CLCN2: variants seen among roughly 807,000 people sequenced by gnomAD.
The protein encoded by CLCN2 is chloride channel protein 2.
CLCN2 carries 72 observed loss-of-function variants against 108.3 expected under a neutral mutation model. The ratio of observed to expected loss-of-function variants is 0.66; its 90% CI spans 0.55 to 0.81. The LOEUF is 0.81. CLCN2 is among the 30% of genes least tolerant of loss of function. The pLI is 0.00. For synonymous variants in CLCN2, 471 were observed against 467.1 expected, an observed-to-expected ratio of 1.01 and a Z score of -0.11; for missense variants, 1,048 against 1,205.2, an observed-to-expected ratio of 0.87 and a Z score of 1.93.
In CLCN2 at chr3:184,355,777, G is replaced by T; in HGVS notation, c.1087C>A (p.Arg363Ser). The change falls in exon 11 of 24, where the codon CGC (arginine) becomes AGC (serine). Residue 363 changes from arginine (R) to serine (S), a missense_variant and splice_region_variant. Arg to Ser is a moderately radical substitution (Grantham distance 110). Transcript: ENST00000265593. This position sits in a 1 kb window ranked among gnomAD's most constrained non-coding sequence, Gnocchi z 6.3. ...GTCACCAGAGCCGGGAAGAGCAGGC[G>T]TCTAGAGTCGTAGGTTTCACATCAG... ...KTINRFLMRK[R>S]LLFPALVTLL... 6.2e-7 allele frequency: 1 copy of T among 1,614,020 alleles called. No individual in the cohort carries two copies. Among genetic ancestry groups the T allele is most frequent in the Non-Finnish European group, 8.5e-7 (1 of 1,179,928 alleles).
At position 184,359,127 on chromosome 3, in the gene CLCN2, T is replaced by C. The variant is rs1711654972; in HGVS notation, c.68A>G (p.Tyr23Cys). 6.2e-7 allele frequency: 1 copy of C among 1,613,534 alleles called. No homozygotes were observed. The highest frequency in any genetic ancestry group is 8.5e-7 in the Non-Finnish European group (1 of 1,180,048). The change falls in exon 2 of 24, where the codon TAT becomes TGT. Residue 23 changes from tyrosine (Y) to cysteine (C), a missense_variant. Tyr to Cys is a radical substitution (Grantham distance 194). Coordinates refer to ENST00000265593, the MANE Select transcript of CLCN2 (RefSeq NM_004366.6). Reference sequence around the variant, plus strand: ...CCCAAGGTCCTGAGTGTACCGGCCATACATCTGGAGCAACAGAGGGGATGG... The same window carrying C: ...CCCAAGGTCCTGAGTGTACCGGCCACACATCTGGAGCAACAGAGGGGATGG... The part of the protein sequence containing the change: ...RALQYEQTLM[Y>C]GRYTQDLGAF...
chr3:184,352,364 G>A (rs1728174339), intron 20 of CLCN2, 33 bp from the exon 21 acceptor site: 4 of 1,613,664 alleles, frequency 2.5e-6, no homozygotes, highest in Non-Finnish European at 1.7e-6. Flanking sequence ...GGCAGCTAGG[G>A]GCTCTGGAGT....
chr3:184,359,361 G>A (rs1172084860), intron 1 of CLCN2, among the ~76,000 whole-genome samples: 1 of 152,228 alleles, frequency 6.6e-6, no homozygotes, highest in Non-Finnish European at 1.5e-5. Context: ...ACAGCTCTGG[G>A]GGTGGCAGAA....
In CLCN2 at chr3:184,346,821, G is replaced by C; in HGVS notation, c.2503-21C>G. 1.2e-6 allele frequency: 2 copies of C among 1,613,904 alleles called. No homozygotes were observed. Among genetic ancestry groups the C allele is most frequent in the South Asian group, 1.1e-5 (1 of 91,088 alleles). The stretch of plus-strand genomic sequence containing the variant: ...CGGAGCTGGAAAGGTGAGAGGGACA[G>C]ATGTCTGGACCCAGATGTCAGACTC... On this transcript the variant is annotated intron_variant, in intron 23 of 23. Transcript: ENST00000265593. The surrounding 1 kb of genome is among the most constrained non-coding windows in gnomAD (Gnocchi z 6.0).
At position 184,346,376 on chromosome 3, in the gene CLCN2, G is replaced by T; in HGVS notation, c.*230C>A. On this transcript the variant is annotated 3_prime_UTR_variant, in exon 24 of 24. Transcript: ENST00000265593. This position sits in a 1 kb window ranked among gnomAD's most constrained non-coding sequence, Gnocchi z 6.0. ...GGGTCAAGTGACCCCAACCCATCCT[G>T]CCAGGGCAGGGCCTATCTTCCTGCC... is the stretch of plus-strand genomic sequence containing the variant. 1.7e-6 allele frequency: 1 copy of T among 596,476 alleles called. No homozygotes were observed. 36.9% of individuals were successfully genotyped at this position (596,476 alleles called of 1,614,324 possible). A position where few individuals can be genotyped will look rare whatever the true frequency, so the allele number is the denominator to read the frequency against.
Position 184,352,919 on chromosome 3 carries a change from A to C in CLCN2, c.2144-109T>G, listed in dbSNP as rs568189734. 42 of 1,532,498 alleles carry C rather than the reference A, an allele frequency of 2.7e-5. No homozygotes were observed. In the African/African-American group the frequency reaches 3.7e-4, roughly 13 times the overall value. 94.9% of individuals were successfully genotyped at this position (1,532,498 alleles called of 1,614,324 possible). Reference sequence around the variant, plus strand: ...GGTATCCCAGTTCCAGCCCTGGCCCATGTGGGCAGCCTCTTCCAGCTGGGA... The same window carrying C: ...GGTATCCCAGTTCCAGCCCTGGCCCCTGTGGGCAGCCTCTTCCAGCTGGGA... On this transcript the variant is annotated intron_variant, in intron 18 of 23. Coordinates refer to ENST00000265593, the MANE Select transcript of CLCN2 (RefSeq NM_004366.6).
intron 22 of CLCN2, chr3:184,348,034 G>A (rs997677104): frequency 2.0e-5 from 3 of 152,186 alleles, no homozygotes; most frequent in Non-Finnish European, 4.4e-5. Context: ...GAATCAAGAT[G>A]AGCAGTAATA....
At chr3:184,359,993 G>T (rs1711789198) in intron 1 of CLCN2, among the ~76,000 whole-genome samples, 1 of 141,322 alleles carries the variant, frequency 7.1e-6, no homozygotes, top group African/African-American at 2.6e-5. Context: ...GGATGGGGGG[G>T]AGGGAGGGAG....
rs201476639 is a variant in CLCN2 at position 184,354,508 on chromosome 3, G to T, written c.1507+40C>A. The T allele has an allele frequency of 4.6e-4, 699 of 1,510,654 alleles. 5 individuals carry two copies. In the East Asian group the frequency reaches 5.4e-3, roughly 12 times the overall value. The allele number at this position is 1,510,654 out of a possible 1,614,324, so 93.6% of individuals were successfully genotyped here. The stretch of plus-strand genomic sequence containing the variant: ...CGGACCCTGTGGCTGGGGCGTGGGT[G>T]GGGGGGTCTCCCAAGGCCGATGGGA... On this transcript the variant is annotated intron_variant, in intron 14 of 23. Transcript: ENST00000265593.
At position 184,355,231 on chromosome 3, in the gene CLCN2, G is replaced by A. The variant is rs556122204; in HGVS notation, c.1326+143C>T. ...ACTTTGGGCCAGCTACTTGTGTTTCGACTCCCCCATCTTTCAAACGGGGGT... is the reference window on the plus strand; with the variant it reads ...ACTTTGGGCCAGCTACTTGTGTTTCAACTCCCCCATCTTTCAAACGGGGGT... On this transcript the variant is annotated intron_variant, in intron 12 of 23. Transcript: ENST00000265593. This position sits in a 1 kb window ranked among gnomAD's most constrained non-coding sequence, Gnocchi z 6.3. 15 of 982,906 alleles carry A rather than the reference G, an allele frequency of 1.5e-5. No individual in the cohort carries two copies. Among genetic ancestry groups the A allele is most frequent in the Middle Eastern group, 3.1e-4 (1 of 3,276 alleles). 60.9% of individuals were successfully genotyped at this position (982,906 alleles called of 1,614,324 possible).
chr3:184,359,302 G>A (rs1711673577), intron 1 of CLCN2, among the ~76,000 whole-genome samples, 171 bp from the exon 2 acceptor site: 1 of 152,234 alleles, frequency 6.6e-6, no homozygotes, highest in South Asian at 2.1e-4. Flanking sequence ...ATTGCAGACT[G>A]TGGAGGCTGT....
rs115661422 is a variant in CLCN2 at position 184,359,052 on chromosome 3, G to A, written c.143C>T (p.Pro48Leu). Residue 48 changes from proline to leucine, a missense_variant, in exon 2 of 24, where the codon CCC becomes CTC. Coordinates refer to ENST00000265593, the MANE Select transcript of CLCN2 (RefSeq NM_004366.6). ...AARIRLGGPEPWKGPPSSRAA... is the reference protein window; with the variant it reads ...AARIRLGGPELWKGPPSSRAA... ...CCGAGAGGAAGGGGGACCTTTCCAG[G>A]GTTCAGGCCCTCCCAGGCGAATCCG... The A allele has an allele frequency of 6.2e-7, 1 of 1,613,656 alleles. No homozygotes were observed. The highest frequency in any genetic ancestry group is 8.5e-7 in the Non-Finnish European group (1 of 1,180,030).
In CLCN2 at chr3:184,355,818, G is replaced by T; in HGVS notation, c.1086-40C>A. 6.4e-7 allele frequency: 1 copy of T among 1,555,546 alleles called. No individual in the cohort carries two copies. The highest frequency in any genetic ancestry group is 8.9e-7 in the Non-Finnish European group (1 of 1,128,976). On this transcript the variant is annotated intron_variant, in intron 10 of 23. Transcript: ENST00000265593. This position sits in a 1 kb window ranked among gnomAD's most constrained non-coding sequence, Gnocchi z 6.3. ...TTCACATCAGTCGTGGGTGGCCAAGGGCTGGGTGGCCTCGCATATCTCAGG... is the reference window on the plus strand; with the variant it reads ...TTCACATCAGTCGTGGGTGGCCAAGTGCTGGGTGGCCTCGCATATCTCAGG...
chr3:184,349,937 G>A (rs1159241685), intron 22 of CLCN2, among the ~76,000 whole-genome samples: 1 of 152,136 alleles, frequency 6.6e-6, no homozygotes, highest in Non-Finnish European at 1.5e-5. Flanking sequence ...CCAGTTGCAC[G>A]GGTTCCTAAG....
In CLCN2 at chr3:184,358,407, C is replaced by G. The variant is rs574197466; in HGVS notation, c.353-97G>C. 11 of 1,552,538 alleles carry G rather than the reference C, an allele frequency of 7.1e-6. No homozygotes were observed. In the Admixed American group the frequency reaches 8.4e-5, roughly 12 times the overall value. ...TACGACAGGCTGTCCCAGGGAGTAC[C>G]ACACAGAGTCAGGGCATGGGTGAAG... On this transcript the variant is annotated intron_variant, in intron 3 of 23. Coordinates refer to ENST00000265593, the MANE Select transcript of CLCN2 (RefSeq NM_004366.6).
At chr3:184,360,800 G>T (rs1446055898) in intron 1 of CLCN2, among the ~76,000 whole-genome samples, 2 of 152,170 alleles carry the variant, frequency 1.3e-5, no homozygotes, top group Non-Finnish European at 2.9e-5. Flanking sequence ...TGGATACCCC[G>T]CATCAGCATA....
chr3:184,350,320 GCTGA>G (rs1219279095), intron 22 of CLCN2, among the ~76,000 whole-genome samples: 1 of 152,094 alleles, frequency 6.6e-6, no homozygotes, highest in Non-Finnish European at 1.5e-5. Flanking sequence ...ACTCTGCTGT[GCTGA>G]CTCAGGCACG....
Position 184,346,838 on chromosome 3 carries a change from G to A in CLCN2, c.2503-38C>T. 1 of 1,613,000 alleles carries A rather than the reference G, an allele frequency of 6.2e-7. No homozygotes were observed. The highest frequency in any genetic ancestry group is 1.1e-5 in the South Asian group (1 of 91,086). The stretch of plus-strand genomic sequence containing the variant: ...GAGGGACAGATGTCTGGACCCAGAT[G>A]TCAGACTCCTCCCCGCCTTCCTCCC... On this transcript the variant is annotated intron_variant, in intron 23 of 23. Coordinates refer to ENST00000265593, the MANE Select transcript of CLCN2 (RefSeq NM_004366.6). The surrounding 1 kb of genome is among the most constrained non-coding windows in gnomAD (Gnocchi z 6.0).
In CLCN2 at chr3:184,355,034, C is replaced by T. The variant is rs377707178; in HGVS notation, c.1327-61G>A. On this transcript the variant is annotated intron_variant, in intron 12 of 23. Transcript: ENST00000265593. This position sits in a 1 kb window ranked among gnomAD's most constrained non-coding sequence, Gnocchi z 6.3. ...CCACCTGGCCCCAGGCAGCCCACAGCGCCACCCAGGAGAAGTCTACCTCGC... is the reference window on the plus strand; with the variant it reads ...CCACCTGGCCCCAGGCAGCCCACAGTGCCACCCAGGAGAAGTCTACCTCGC... The T allele has an allele frequency of 2.0e-6, 3 of 1,495,572 alleles. No individual in the cohort carries two copies. Among genetic ancestry groups the T allele is most frequent in the East Asian group, 4.5e-5 (2 of 44,238 alleles). 92.6% of individuals were successfully genotyped at this position (1,495,572 alleles called of 1,614,324 possible).
Sources: allele counts gnomAD v4.1 joint callset (sites outside exome capture counted in the v4.1 genomes callset), GRCh38; gene constraint gnomAD v4.1.1; non-coding constraint Gnocchi (gnomAD v3.1); transcripts MANE v1.5; gene names NCBI Gene and HGNC (gene_info 2026-07-23, HGNC 2026-07-21).